PLBD1: variants seen among roughly 807,000 people sequenced by gnomAD.
The protein encoded by PLBD1 is phospholipase B domain containing 1, also known as lysosomal leucine aminopeptidase.
A neutral mutation model predicts 63.0 loss-of-function variants in PLBD1; 60 were observed. The observed-to-expected ratio is 0.95, with a 90% CI of 0.77 to 1.18. The LOEUF (loss-of-function observed/expected upper bound fraction) is 1.18, where lower values mean the gene tolerates loss of function less well. Ranked by LOEUF, PLBD1 falls within the 50% of genes most tolerant of loss-of-function variation. PLBD1 has a pLI of 0.00. For missense variants in PLBD1, 598 were observed against 677.9 expected (o/e 0.88, Z 1.31); for synonymous variants, 262 against 248.0 (o/e 1.06, Z -0.53).
At chr12:14,559,317 C>CATTT (rs1263518433) in intron 1 of PLBD1, among the ~76,000 whole-genome samples, 7 of 151,994 alleles carry the variant, frequency 4.6e-5, no homozygotes, top group East Asian at 1.9e-4. Context: ...AAAAGAAAGC[C>CATTT]ATTTATTTAT....
chr12:14,517,385 C>T (rs562224021), intron 6 of PLBD1, among the ~76,000 whole-genome samples: 15 of 152,210 alleles, frequency 9.9e-5, no homozygotes, highest in African/African-American at 3.4e-4. Flanking sequence ...TGGGCTCAAG[C>T]GCTCCTCCTG....
At chr12:14,525,485 T>C (rs938993661) in intron 6 of PLBD1, among the ~76,000 whole-genome samples, 1 of 152,076 alleles carries the variant, frequency 6.6e-6, no homozygotes, top group Non-Finnish European at 1.5e-5. Flanking sequence ...GGAAAAAATA[T>C]GTGAAGCTAT....
At position 14,507,071 on chromosome 12, in the gene PLBD1, A is replaced by C. The variant is rs1282146977; in HGVS notation, c.1234T>G (p.Trp412Gly). 9 of 1,613,576 alleles carry C rather than the reference A, an allele frequency of 5.6e-6. No homozygotes were observed. The highest frequency in any genetic ancestry group is 7.6e-6 in the Non-Finnish European group (9 of 1,179,560). The stretch of plus-strand genomic sequence containing the variant: ...TGAACTAACAGTGGATAGCCACTCC[A>C]GTTGTAGATTTTTTCATGGAAAGGA... The part of the protein sequence containing the change: ...NVPFHEKIYN[W>G]SGYPLLVQKL... Residue 412 changes from tryptophan to glycine, a missense_variant, in exon 9 of 11, where the codon TGG (tryptophan) becomes GGG (glycine). Coordinates refer to ENST00000240617, the MANE Select transcript of PLBD1 (RefSeq NM_024829.6).
At chr12:14,541,403 G>C (rs1367584405) in intron 3 of PLBD1, among the ~76,000 whole-genome samples, 1 of 152,170 alleles carries the variant, frequency 6.6e-6, no homozygotes, top group African/African-American at 2.4e-5. Context: ...ATTAGTAACC[G>C]CTTCAATGCC....
intron 8 of PLBD1, among the ~76,000 whole-genome samples, chr12:14,508,986 G>T (rs1276338340): frequency 6.6e-6 from 1 of 151,156 alleles, no homozygotes. Context: ...TAGGAGATGT[G>T]CCCACCCCCG....
rs552742243 is a variant in PLBD1, at chr12:14,523,283, C to T, written c.845-11572G>A. Among the ~76,000 whole-genome samples, 18 of 151,844 alleles carry T rather than the reference C, an allele frequency of 1.2e-4. No homozygotes were observed. The East Asian group carries it at 2.1e-3, about 18-fold the overall frequency. On this transcript the variant is annotated intron_variant, in intron 6 of 10. Coordinates refer to ENST00000240617, the MANE Select transcript of PLBD1 (RefSeq NM_024829.6). ...CTACAAAAACAAACACTTAACTAAG[C>T]GGGTGAAAGATCTCTATGATGAAAC...
intron 6 of PLBD1, among the ~76,000 whole-genome samples, chr12:14,515,836 G>C (rs1945332045): frequency 6.6e-6 from 1 of 150,488 alleles, no homozygotes; most frequent in African/African-American, 2.4e-5. Context: ...TGAATCATTT[G>C]AGGTCAGGAG....
At chr12:14,555,104 C>T (rs763066706) in intron 1 of PLBD1, among the ~76,000 whole-genome samples, 4 of 152,148 alleles carry the variant, frequency 2.6e-5, no homozygotes, top group African/African-American at 4.8e-5. Flanking sequence ...CACAACTAGC[C>T]GTTTAAGTAT....
At chr12:14,537,997 G>A (rs1592003512) in intron 4 of PLBD1, among the ~76,000 whole-genome samples, 1 of 151,372 alleles carries the variant, frequency 6.6e-6, no homozygotes, top group Non-Finnish European at 1.5e-5. Flanking sequence ...TTTCCCTACT[G>A]GCACTGTGAT....
intron 4 of PLBD1, among the ~76,000 whole-genome samples, chr12:14,539,053 A>G (rs1301549719): frequency 6.6e-6 from 1 of 152,110 alleles, no homozygotes; most frequent in East Asian, 1.9e-4. Flanking sequence ...AAACTCTTCC[A>G]TCCTCAACAA....
chr12:14,549,008 C>T (rs531204333), intron 2 of PLBD1, among the ~76,000 whole-genome samples: 1 of 152,298 alleles, frequency 6.6e-6, no homozygotes, highest in African/African-American at 2.4e-5. Flanking sequence ...GTCTTTATAT[C>T]ATTCATGAGA....
intron 1 of PLBD1, among the ~76,000 whole-genome samples, chr12:14,561,072 T>A (rs958900536): frequency 6.6e-6 from 1 of 150,848 alleles, no homozygotes; most frequent in Non-Finnish European, 1.5e-5. Flanking sequence ...TACAGTGAGG[T>A]TGAGATGAGG....
chr12:14,530,302 T>G (rs563034723), intron 6 of PLBD1: 1 of 152,308 alleles, frequency 6.6e-6, no homozygotes, highest in South Asian at 2.1e-4. Flanking sequence ...TTTTAGCCCC[T>G]CAGTCATTGA....
intron 1 of PLBD1, 148 bp downstream of exon 1, chr12:14,567,434 A>G: frequency 2.2e-5 from 26 of 1,162,280 alleles, no homozygotes; most frequent in Non-Finnish European, 2.9e-5. Flanking sequence ...GGCTGGAGCG[A>G]GACCGCCGGC....
At position 14,535,731 on chromosome 12, in the gene PLBD1, A is replaced by G; in HGVS notation, c.772T>C (p.Tyr258His). The G allele has an allele frequency of 6.2e-7, 1 of 1,614,004 alleles. No homozygotes were observed. Among genetic ancestry groups the G allele is most frequent in the South Asian group, 1.1e-5 (1 of 91,076 alleles). The change falls in exon 6 of 11, where the codon TAT (tyrosine) becomes CAT (histidine). Residue 258 changes from tyrosine (Y) to histidine (H), a missense_variant. Physicochemically the swap from Tyr to His is moderately conservative, Grantham distance 83. Transcript: ENST00000240617. ...WYTYAAMLRI[Y>H]KHWDFNVIDK... The stretch of plus-strand genomic sequence containing the variant: ...ATGACGTTGAAGTCCCAGTGTTTAT[A>G]TATCCTGAGCATGGCTGCATACGTG...
intron 6 of PLBD1, among the ~76,000 whole-genome samples, chr12:14,531,461 T>G (rs1361903797): frequency 6.6e-6 from 1 of 152,206 alleles, no homozygotes; most frequent in Non-Finnish European, 1.5e-5. Context: ...TATTATGCTT[T>G]GTTAATGATG....
At chr12:14,509,529 C>T (rs529689565) in intron 8 of PLBD1, among the ~76,000 whole-genome samples, 2 of 152,314 alleles carry the variant, frequency 1.3e-5, no homozygotes, top group South Asian at 4.1e-4. Context: ...TGCTTGGTAG[C>T]ATATGAACTG....
rs1218107714 is a variant in PLBD1 at position 14,514,761 on chromosome 12, C to T, written c.845-3050G>A. On this transcript the variant is annotated intron_variant, in intron 6 of 10. Coordinates refer to ENST00000240617, the MANE Select transcript of PLBD1 (RefSeq NM_024829.6). ...TTTTAAATTTTTTTTTTTTTTGAGA[C>T]AGGGTCTCCCTGTGTTGCCCAGGCT... 1.7e-4 allele frequency among the ~76,000 whole-genome samples: 25 copies of T among 146,846 alleles called. No individual in the cohort carries two copies. The Admixed American group carries it at 1.7e-3, about 10-fold the overall frequency.
At chr12:14,559,343 T>A (rs1462541523) in intron 1 of PLBD1, among the ~76,000 whole-genome samples, 5 of 152,172 alleles carry the variant, frequency 3.3e-5, no homozygotes, top group Non-Finnish European at 7.3e-5. Flanking sequence ...TATTATTTAT[T>A]TTTGAGCTGG....
Sources: allele counts gnomAD v4.1 joint callset (sites outside exome capture counted in the v4.1 genomes callset), GRCh38; gene constraint gnomAD v4.1.1; transcripts MANE v1.5; gene names NCBI Gene and HGNC (gene_info 2026-07-23, HGNC 2026-07-21).